Variants in EPB41L2 observed in about 807,000 individuals in gnomAD.
EPB41L2 encodes erythrocyte membrane protein band 4.1 like 2, also known as band 4.1-like protein 2.
Under a neutral mutation model 113.0 loss-of-function variants are expected in EPB41L2, and 43 were observed. The ratio of observed to expected loss-of-function variants is 0.38; its 90% CI spans 0.30 to 0.49. The LOEUF is 0.49. Ranked by LOEUF, EPB41L2 falls within the 20% of genes least tolerant of loss-of-function variation. EPB41L2 has a pLI of 0.95. For missense variants in EPB41L2, 1,147 were observed against 1,223.4 expected (o/e 0.94, Z 0.93); for synonymous variants, 442 against 436.7 (o/e 1.01, Z -0.15).
chr6:130,861,452 T>G (rs1782018903), intron 18 of EPB41L2, among the ~76,000 whole-genome samples: 1 of 152,220 alleles, frequency 6.6e-6, no homozygotes, highest in Non-Finnish European at 1.5e-5. Context: ...ACATCGGATT[T>G]TGACAGCAAA....
At chr6:130,874,590 G>C (rs1786886953) in intron 14 of EPB41L2, among the ~76,000 whole-genome samples, 1 of 152,022 alleles carries the variant, frequency 6.6e-6, no homozygotes, top group African/African-American at 2.4e-5. Flanking sequence ...AATGTTTGTT[G>C]GGCAAACGGA....
In EPB41L2 at chr6:130,933,810, G is replaced by T. The variant is rs73617180; in HGVS notation, c.706-7101C>A. ...CTGAGGCCAAAACATGACATTTCTG[G>T]AGGCCTCTCAACTTGGAGGAATTTG... On this transcript the variant is annotated intron_variant, in intron 3 of 19. Transcript: ENST00000337057. Among the ~76,000 whole-genome samples, 1,279 of 152,236 alleles carry T rather than the reference G, an allele frequency of 8.4e-3. 27 individuals are homozygous for T. The highest frequency in any genetic ancestry group is 0.03 in the African/African-American group (1,231 of 41,520).
chr6:130,873,082 A>G (rs1415396696), intron 14 of EPB41L2, among the ~76,000 whole-genome samples: 1 of 152,046 alleles, frequency 6.6e-6, no homozygotes, highest in African/African-American at 2.4e-5. Flanking sequence ...TCCCTCCTCA[A>G]TACCACCTTA....
rs115300528 is a variant in EPB41L2, at chr6:131,020,093, T to C, written c.-15+43062A>G. ...ATTTTCAAAAGTATTAACATAGATGTATATATTTATATTGTCTTCTAATCT... is the reference window on the plus strand; with the variant it reads ...ATTTTCAAAAGTATTAACATAGATGCATATATTTATATTGTCTTCTAATCT... On this transcript the variant is annotated intron_variant, in intron 1 of 19. Transcript: ENST00000337057. Among the ~76,000 whole-genome samples the C allele has an allele frequency of 2.0e-3, 312 of 152,268 alleles. 1 individual carries two copies. The highest frequency in any genetic ancestry group is 7.3e-3 in the African/African-American group (304 of 41,568).
intron 10 of EPB41L2, among the ~76,000 whole-genome samples, chr6:130,891,515 C>T (rs1792877076): frequency 6.6e-6 from 1 of 152,144 alleles, no homozygotes; most frequent in Non-Finnish European, 1.5e-5. Flanking sequence ...GTGTTGCAAT[C>T]TCGGCTCACT....
chr6:130,853,087 T>C (rs1779221277), intron 19 of EPB41L2, among the ~76,000 whole-genome samples: 1 of 152,216 alleles, frequency 6.6e-6, no homozygotes, highest in African/African-American at 2.4e-5. Flanking sequence ...TTATTTTATT[T>C]GATATTTCCA....
At chr6:130,904,402 A>C in intron 6 of EPB41L2, 63 bp downstream of exon 6, 1 of 1,193,544 alleles carries the variant, frequency 8.4e-7, no homozygotes, top group South Asian at 1.5e-5. Flanking sequence ...CTATGCTCCC[A>C]GGGCACAAAA....
intron 10 of EPB41L2, among the ~76,000 whole-genome samples, chr6:130,892,600 A>C (rs1793333752): frequency 6.6e-6 from 1 of 151,976 alleles, no homozygotes; most frequent in Admixed American, 6.6e-5. Context: ...GAGGGATTCA[A>C]GCATATTTTA....
At position 130,974,717 on chromosome 6, in the gene EPB41L2, C is replaced by CTTTTTTTTTTTTTTTTTTT. The variant is rs71030723; in HGVS notation, c.-14-18237_-14-18219dup. Among the ~76,000 whole-genome samples, 79 of 64,662 alleles carry CTTTTTTTTTTTTTTTTTTT rather than the reference C, an allele frequency of 1.2e-3. 3 individuals carry two copies. Among genetic ancestry groups the CTTTTTTTTTTTTTTTTTTT allele is most frequent in the African/African-American group, 1.2e-3 (20 of 16,230 alleles). 42.4% of individuals were successfully genotyped at this position (64,662 alleles called of 152,430 possible). ...GGCAGCCTCTTTTTTCTTTTCTTTT[C>CTTTTTTTTTTTTTTTTTTT]TTTTTTTTTTTTTTTTTTTTTTTTT... On this transcript the variant is annotated intron_variant, in intron 1 of 19. Coordinates refer to ENST00000337057, the MANE Select transcript of EPB41L2 (RefSeq NM_001431.4).
chr6:131,005,673 AATCT>A (rs1785345121), intron 1 of EPB41L2, among the ~76,000 whole-genome samples: 5 of 152,272 alleles, frequency 3.3e-5, no homozygotes, highest in African/African-American at 9.6e-5. Context: ...TTAAAAGGCA[AATCT>A]CAGTAATCCT....
At chr6:130,861,279 AG>A (rs1191671001) in intron 18 of EPB41L2, among the ~76,000 whole-genome samples, 1 of 151,838 alleles carries the variant, frequency 6.6e-6, no homozygotes, top group Non-Finnish European at 1.5e-5. Context: ...TCGCTGTGTT[AG>A]CCAGGATGGT....
intron 4 of EPB41L2, among the ~76,000 whole-genome samples, chr6:130,915,489 C>T (rs1408716328): frequency 6.6e-6 from 1 of 152,162 alleles, no homozygotes; most frequent in Non-Finnish European, 1.5e-5. Flanking sequence ...CTCTTTGTCA[C>T]CTGCAGAAAT....
intron 1 of EPB41L2, among the ~76,000 whole-genome samples, chr6:130,990,178 G>T (rs1319477995): frequency 6.6e-6 from 1 of 152,020 alleles, no homozygotes; most frequent in Non-Finnish European, 1.5e-5. Flanking sequence ...AAAATTGGCC[G>T]AGTGTGGTGG....
At chr6:131,025,272 C>T (rs1469332227) in intron 1 of EPB41L2, among the ~76,000 whole-genome samples, 2 of 152,104 alleles carry the variant, frequency 1.3e-5, no homozygotes, top group Non-Finnish European at 1.5e-5. Context: ...TGAGATACTA[C>T]ATCCAAAAGT....
intron 3 of EPB41L2, among the ~76,000 whole-genome samples, chr6:130,947,339 C>CA (rs1280487375): frequency 2.6e-5 from 4 of 152,034 alleles, no homozygotes; most frequent in Non-Finnish European, 5.9e-5. Context: ...AGGTCTTCTT[C>CA]AGTGGGCATG....
chr6:131,003,301 G>A (rs990341785), intron 1 of EPB41L2, among the ~76,000 whole-genome samples: 14 of 152,118 alleles, frequency 9.2e-5, no homozygotes, highest in African/African-American at 2.9e-4. Context: ...AGATAAAAAC[G>A]ATATAATTTT....
rs1324851686 is a variant in EPB41L2, at chr6:130,878,256, A to G, written c.1897-6T>C. ...TCCTGGGCCTTATCCAGTTCCTAGC[A>G]ATATGTAACGTAACAAAGGGGGGAA... On this transcript the variant is annotated splice_region_variant and splice_polypyrimidine_tract_variant and intron_variant, in intron 13 of 19. Transcript: ENST00000337057. 6.2e-7 allele frequency: 1 copy of G among 1,601,218 alleles called. No individual in the cohort carries two copies. The highest frequency in any genetic ancestry group is 1.7e-5 in the Admixed American group (1 of 57,794).
At chr6:130,930,982 G>C (rs1222049280) in intron 3 of EPB41L2, among the ~76,000 whole-genome samples, 1 of 152,048 alleles carries the variant, frequency 6.6e-6, no homozygotes, top group Non-Finnish European at 1.5e-5. Context: ...AAGCTGAAGA[G>C]AAAACCAGTG....
chr6:130,899,294 T>C (rs1450704638), intron 8 of EPB41L2, among the ~76,000 whole-genome samples, 197 bp downstream of exon 8: 1 of 151,856 alleles, frequency 6.6e-6, no homozygotes, highest in Non-Finnish European at 1.5e-5. Context: ...GGAAAACAAG[T>C]GGTAGAGACA....
Sources: gnomAD v4.1 joint callset for allele counts (sites outside exome capture counted in the v4.1 genomes callset) on GRCh38, gnomAD v4.1.1 for gene constraint, MANE v1.5 for transcripts, NCBI Gene and HGNC (gene_info 2026-07-23, HGNC 2026-07-21) for gene names.